DDX17: variants seen among roughly 807,000 people sequenced by gnomAD.
DDX17 encodes the protein DEAD-box helicase 17.
In DDX17, 10 loss-of-function variants were observed where a neutral mutation model predicts 80.8. The observed-to-expected ratio is 0.12, with a 90% CI of 0.08 to 0.21. DDX17 has a LOEUF of 0.21. DDX17 is among the 10% of genes least tolerant of loss of function. The pLI, the probability that DDX17 is intolerant of heterozygous loss-of-function variation, is 1.00. For missense variants in DDX17, 586 were observed against 957.4 expected, an observed-to-expected ratio of 0.61 and a Z score of 5.12; for synonymous variants, 339 against 336.2, an observed-to-expected ratio of 1.01 and a Z score of -0.09.
rs1443574870 is a variant in DDX17 at position 38,506,257 on chromosome 22, G to A, written c.-20C>T. 4 of 1,585,638 alleles carry A rather than the reference G, an allele frequency of 2.5e-6. No individual in the cohort carries two copies. Among genetic ancestry groups the A allele is most frequent in the South Asian group, 1.1e-5 (1 of 87,816 alleles). On this transcript the variant is annotated 5_prime_UTR_variant, in exon 1 of 13. Coordinates refer to ENST00000403230, the MANE Select transcript of DDX17 (RefSeq NM_006386.5). ...GGGCAGGTTTGGCTACGCTCAAACC[G>A]GGCAGTGCCGCGGTTTAGGCGTCTC... is the stretch of plus-strand genomic sequence containing the variant.
intron 10 of DDX17, among the ~76,000 whole-genome samples, chr22:38,492,808 T>C (rs2089726316): frequency 6.6e-6 from 1 of 152,188 alleles, no homozygotes; most frequent in Non-Finnish European, 1.5e-5. Flanking sequence ...TTAAACAAAA[T>C]ATGGCCTCTT....
chr22:38,500,072 A>G (rs2089812245), intron 2 of DDX17, among the ~76,000 whole-genome samples: 1 of 150,328 alleles, frequency 6.7e-6, no homozygotes, highest in Non-Finnish European at 1.5e-5. Flanking sequence ...GCTACTCGGG[A>G]GGCTGAGGTG....
chr22:38,495,308 C>A (rs183323472), intron 6 of DDX17, among the ~76,000 whole-genome samples: 1 of 146,542 alleles, frequency 6.8e-6, no homozygotes, highest in Non-Finnish European at 1.5e-5. Flanking sequence ...TGCAGTGGCA[C>A]GATCTCGGCT....
intron 11 of DDX17, chr22:38,490,275 A>AT (rs2089700196): frequency 1.6e-6 from 2 of 1,264,414 alleles, no homozygotes; most frequent in African/African-American, 3.1e-5. Flanking sequence ...GCTGACTGGG[A>AT]TAAGAACCTT....
In DDX17 at chr22:38,486,307, A is replaced by C. The variant is rs771595772; in HGVS notation, c.1818T>G (p.Ser606Arg). ...TAGCATAACCAGCTCTATCGGTTTCACTACGATCCCGATAGCTTGCAGAGT... is the reference window on the plus strand; with the variant it reads ...TAGCATAACCAGCTCTATCGGTTTCCCTACGATCCCGATAGCTTGCAGAGT... The change falls in exon 13 of 13, where the codon AGT becomes AGG. Residue 606 changes from serine to arginine, a missense_variant. Physicochemically the swap from Ser to Arg is moderately radical, Grantham distance 110. Coordinates refer to ENST00000403230, the MANE Select transcript of DDX17 (RefSeq NM_006386.5). 2 of 1,614,134 alleles carry C rather than the reference A, an allele frequency of 1.2e-6. No individual in the cohort carries two copies. The highest frequency in any genetic ancestry group is 2.2e-5 in the South Asian group (2 of 91,080).
intron 11 of DDX17, 38 bp downstream of exon 11, chr22:38,492,018 T>C (rs779824789): frequency 6.8e-7 from 1 of 1,465,874 alleles, no homozygotes; most frequent in Non-Finnish European, 9.4e-7. Context: ...AACCAAAAGA[T>C]ACATATACCA....
chr22:38,489,039 T>C lies in DDX17; in HGVS notation c.1448-924A>G. The C allele has an allele frequency of 1.0e-6, 1 of 984,674 alleles. No homozygotes were observed. The highest frequency in any genetic ancestry group is 1.2e-6 in the Non-Finnish European group (1 of 829,284). 61.0% of individuals were successfully genotyped at this position (984,674 alleles called of 1,614,324 possible). ...CTAAGGCTTAAAATGTAAATGTTAG[T>C]GTAATGCTTTCAGCTGAATGTATAT... On this transcript the variant is annotated intron_variant, in intron 11 of 12. Coordinates refer to ENST00000403230, the MANE Select transcript of DDX17 (RefSeq NM_006386.5). The surrounding 1 kb of genome is among the most constrained non-coding windows in gnomAD (Gnocchi z 4.6).
In DDX17 at chr22:38,506,229, G is replaced by A. The variant is rs1253140585; in HGVS notation, c.9C>T (p.Thr3=). The change falls in exon 1 of 13, where the codon ACC becomes ACT. Residue 3 remains threonine, a synonymous_variant. Coordinates refer to ENST00000403230, the MANE Select transcript of DDX17 (RefSeq NM_006386.5). ...CACAGAGAATCGGGGCTACAAAGCCGGTGGGCAGGTTTGGCTACGCTCAAA... is the reference window on the plus strand; with the variant it reads ...CACAGAGAATCGGGGCTACAAAGCCAGTGGGCAGGTTTGGCTACGCTCAAA... 23 of 1,603,810 alleles carry A rather than the reference G, an allele frequency of 1.4e-5. No individual in the cohort carries two copies. Among genetic ancestry groups the A allele is most frequent in the Admixed American group, 1.7e-5 (1 of 58,312 alleles).
At chr22:38,501,068 C>A in intron 2 of DDX17, 62 bp downstream of exon 2, 1 of 1,553,810 alleles carries the variant, frequency 6.4e-7, no homozygotes, top group Non-Finnish European at 8.7e-7. Flanking sequence ...TATGAATAAA[C>A]TCTAACCAAT....
rs138440 is a variant in DDX17, at chr22:38,485,817, TAAA to T, written c.*115_*117del. On this transcript the variant is annotated 3_prime_UTR_variant, in exon 13 of 13. Coordinates refer to ENST00000403230, the MANE Select transcript of DDX17 (RefSeq NM_006386.5). ...AATCACGATGGTTGGGGGGAAAAAT[TAAA>T]AAAAAAAAAAGAAAAAAGGAAAAAA... is the stretch of plus-strand genomic sequence containing the variant. 16 of 1,035,326 alleles carry T rather than the reference TAAA, an allele frequency of 1.5e-5. No individual in the cohort carries two copies. Among genetic ancestry groups the T allele is most frequent in the African/African-American group, 1.8e-5 (1 of 55,180 alleles). 64.1% of individuals were successfully genotyped at this position (1,035,326 alleles called of 1,614,324 possible).
At chr22:38,490,063 A>G in intron 11 of DDX17, 2 of 1,070,750 alleles carry the variant, frequency 1.9e-6, no homozygotes, top group Non-Finnish European at 2.3e-6. Context: ...GAGGGCAGAC[A>G]TGATGCAAGT....
At position 38,487,954 on chromosome 22, in the gene DDX17, G is replaced by A. The variant is rs1602670661; in HGVS notation, c.1609C>T (p.Leu537=). The change falls in exon 12 of 13, where the codon CTG becomes TTG. Residue 537 remains leucine (L), a synonymous_variant. Coordinates refer to ENST00000403230, the MANE Select transcript of DDX17 (RefSeq NM_006386.5). ...TTGATAGCCTGATTGGCCTCTTCCAGCACTTTGATAAGCTCTCTGGCCTGT... is the reference window on the plus strand; with the variant it reads ...TTGATAGCCTGATTGGCCTCTTCCAACACTTTGATAAGCTCTCTGGCCTGT... The A allele has an allele frequency of 6.2e-7, 1 of 1,614,230 alleles. No individual in the cohort carries two copies. The highest frequency in any genetic ancestry group is 8.5e-7 in the Non-Finnish European group (1 of 1,180,034).
chr22:38,497,585 T>C (rs1167829825), intron 5 of DDX17, among the ~76,000 whole-genome samples: 1 of 125,470 alleles, frequency 8.0e-6, no homozygotes, highest in Non-Finnish European at 1.6e-5. Flanking sequence ...GCTACTGCAC[T>C]CCAGCCTGGG....
intron 11 of DDX17, chr22:38,490,672 CTA>C: frequency 3.0e-6 from 1 of 331,854 alleles, no homozygotes; most frequent in Admixed American, 4.3e-5. Context: ...GCACCCCTGT[CTA>C]TGAGGTAGAA....
intron 10 of DDX17, among the ~76,000 whole-genome samples, chr22:38,492,478 ATTAT>A (rs1160582820): frequency 6.6e-5 from 10 of 152,024 alleles, no homozygotes; most frequent in Non-Finnish European, 1.5e-4. Context: ...AGGTATGCAT[ATTAT>A]TTATTTTTCT....
chr22:38,501,959 T>C (rs117862816), intron 1 of DDX17, among the ~76,000 whole-genome samples: 44 of 152,330 alleles, frequency 2.9e-4, no homozygotes, highest in Non-Finnish European at 5.9e-4. Context: ...AGAAGGAAGA[T>C]ACACTCCAAG....
intron 10 of DDX17, 49 bp downstream of exon 10, chr22:38,493,661 A>C: frequency 7.1e-7 from 1 of 1,417,316 alleles, no homozygotes; most frequent in Non-Finnish European, 1.0e-6. Context: ...ACATTCACTT[A>C]TGGGCAGGGG....
chr22:38,488,216 A>G (rs763095605), intron 11 of DDX17, 101 bp from the exon 12 acceptor site: 2 of 1,599,976 alleles, frequency 1.3e-6, no homozygotes, highest in Admixed American at 3.4e-5. Context: ...TGCAGATGAC[A>G]GCAAGAGGAA....
intron 2 of DDX17, among the ~76,000 whole-genome samples, 163 bp from the exon 3 acceptor site, chr22:38,499,662 C>A (rs2089806978): frequency 6.6e-6 from 1 of 152,110 alleles, no homozygotes; most frequent in Non-Finnish European, 1.5e-5. Context: ...TGCAAGGCTC[C>A]TACTTACTTT....
Sources: gnomAD v4.1 joint callset for allele counts (sites outside exome capture counted in the v4.1 genomes callset) on GRCh38, gnomAD v4.1.1 for gene constraint, Gnocchi (gnomAD v3.1) non-coding constraint, MANE v1.5 for transcripts, NCBI Gene and HGNC (gene_info 2026-07-23, HGNC 2026-07-21) for gene names.